Variants in RNF2 observed in about 807,000 individuals in gnomAD.
The protein encoded by RNF2 is ring finger protein 2.
In RNF2, 6 loss-of-function variants were observed where a neutral mutation model predicts 37.2. The observed-to-expected ratio is 0.16, with a 90% CI of 0.09 to 0.32. The LOEUF is 0.32. RNF2 is among the 10% of genes least tolerant of loss of function. The pLI, the probability that RNF2 is intolerant of heterozygous loss-of-function variation, is 1.00. For synonymous variants in RNF2, 133 were observed against 132.7 expected (o/e 1.00, Z -0.02); for missense variants, 251 against 404.0 (o/e 0.62, Z 3.25).
chr1:185,056,042 T>C (rs576854262), intron 1 of RNF2, among the ~76,000 whole-genome samples: 2 of 152,234 alleles, frequency 1.3e-5, no homozygotes, highest in Non-Finnish European at 2.9e-5. Flanking sequence ...TAAATTTCTT[T>C]ATTCTTAATG....
intron 1 of RNF2, among the ~76,000 whole-genome samples, chr1:185,055,198 A>G (rs1164870913): frequency 6.6e-6 from 1 of 152,124 alleles, no homozygotes; most frequent in Non-Finnish European, 1.5e-5. Flanking sequence ...TGGATTTCAG[A>G]TTTATTTTTC....
chr1:185,070,638 CTTTTTT>C (rs893631238), intron 1 of RNF2, among the ~76,000 whole-genome samples: 1 of 129,744 alleles, frequency 7.7e-6, no homozygotes, highest in Admixed American at 7.8e-5. Flanking sequence ...ATTTTCTTTT[CTTTTTT>C]TTTTTTTTTT....
chr1:185,087,969 A>G (rs868554202), intron 2 of RNF2, among the ~76,000 whole-genome samples: 1 of 152,338 alleles, frequency 6.6e-6, no homozygotes, highest in South Asian at 2.1e-4. Context: ...CCTTGCTGTA[A>G]TAAGTACTGA....
rs1433260783 is a variant in RNF2, at chr1:185,101,336, G to A, written c.*1035G>A. 6.6e-6 allele frequency: 1 copy of A among 152,384 alleles called. No individual in the cohort carries two copies. The highest frequency in any genetic ancestry group is 2.4e-5 in the African/African-American group (1 of 41,390). 9.4% of individuals were successfully genotyped at this position (152,384 alleles called of 1,614,324 possible). A position where few individuals can be genotyped will look rare whatever the true frequency, so the allele number is the denominator to read the frequency against. Reference sequence around the variant, plus strand: ...GTTGCCACATCAGTTTATAAATTTGGCGCTCTTTTAATTACACTCTGTAGA... The same window carrying A: ...GTTGCCACATCAGTTTATAAATTTGACGCTCTTTTAATTACACTCTGTAGA... On this transcript the variant is annotated 3_prime_UTR_variant, in exon 7 of 7. Transcript: ENST00000367510.
At chr1:185,072,888 C>T (rs960692894) in intron 1 of RNF2, among the ~76,000 whole-genome samples, 2 of 152,016 alleles carry the variant, frequency 1.3e-5, no homozygotes, top group Middle Eastern at 3.2e-3. Flanking sequence ...TGCAGTGAGC[C>T]GAGATTGTGC....
chr1:185,079,072 ATCTTT>A (rs1409835827), intron 1 of RNF2, among the ~76,000 whole-genome samples: 1 of 139,086 alleles, frequency 7.2e-6, no homozygotes, highest in Non-Finnish European at 1.5e-5. Flanking sequence ...CTATGACTAG[ATCTTT>A]TCTTTTTTTT....
intron 1 of RNF2, among the ~76,000 whole-genome samples, chr1:185,064,055 C>T (rs1469944038): frequency 1.3e-5 from 2 of 152,136 alleles, no homozygotes; most frequent in Non-Finnish European, 2.9e-5. Flanking sequence ...GGGATTAGGA[C>T]GTGGACACCT....
chr1:185,080,861 C>G (rs1651324707), intron 1 of RNF2, among the ~76,000 whole-genome samples: 1 of 152,136 alleles, frequency 6.6e-6, no homozygotes, highest in African/African-American at 2.4e-5. Flanking sequence ...TTTGATAGTT[C>G]CTATTAATTT....
At chr1:185,066,404 T>G (rs1650801400) in intron 1 of RNF2, among the ~76,000 whole-genome samples, 1 of 152,232 alleles carries the variant, frequency 6.6e-6, no homozygotes. Flanking sequence ...CAGGACTGCT[T>G]TCTTTCCTCG....
intron 1 of RNF2, among the ~76,000 whole-genome samples, chr1:185,054,098 A>G (rs1179138936): frequency 6.6e-6 from 1 of 152,172 alleles, no homozygotes; most frequent in East Asian, 1.9e-4. Flanking sequence ...ACTAGTGTCT[A>G]GAAGTGAAAC....
intron 1 of RNF2, among the ~76,000 whole-genome samples, chr1:185,076,436 G>A (rs755364780): frequency 1.8e-4 from 27 of 150,526 alleles, no homozygotes; most frequent in African/African-American, 4.1e-4. Flanking sequence ...GACTACAGGC[G>A]CGTGCCTCCA....
At chr1:185,053,889 T>TA (rs138631564) in intron 1 of RNF2, among the ~76,000 whole-genome samples, 2,450 of 148,806 alleles carry the variant, frequency 0.016, 92 homozygotes, top group East Asian at 0.15. Context: ...TGTCTTGTAT[T>TA]AAAAAAAAAA....
At chr1:185,092,763 G>C (rs1188719349) in intron 3 of RNF2, among the ~76,000 whole-genome samples, 1 of 151,950 alleles carries the variant, frequency 6.6e-6, no homozygotes, top group African/African-American at 2.4e-5. Flanking sequence ...ATATCGGAAA[G>C]GGGAAATTTA....
intron 5 of RNF2, among the ~76,000 whole-genome samples, chr1:185,099,465 TG>T (rs1159936833): frequency 6.6e-6 from 1 of 152,228 alleles, no homozygotes; most frequent in East Asian, 1.9e-4. Flanking sequence ...CATTAGGGTT[TG>T]GGGGGTATGT....
intron 1 of RNF2, among the ~76,000 whole-genome samples, chr1:185,063,460 T>C (rs1364087054): frequency 6.6e-6 from 1 of 152,216 alleles, no homozygotes; most frequent in African/African-American, 2.4e-5. Flanking sequence ...GTGCATTTAG[T>C]TTTCTTTTGG....
intron 5 of RNF2, among the ~76,000 whole-genome samples, chr1:185,098,703 T>C (rs1651985854): frequency 6.6e-6 from 1 of 152,210 alleles, no homozygotes; most frequent in African/African-American, 2.4e-5. Context: ...GCATCAAATA[T>C]TTATTGAATG....
intron 1 of RNF2, among the ~76,000 whole-genome samples, chr1:185,061,990 A>G (rs1430015329): frequency 6.6e-6 from 1 of 152,230 alleles, no homozygotes; most frequent in Non-Finnish European, 1.5e-5. Flanking sequence ...GTGTATTTGT[A>G]TAATAGAAAA....
chr1:185,047,783 A>C (rs1463986585), intron 1 of RNF2, among the ~76,000 whole-genome samples: 1 of 152,354 alleles, frequency 6.6e-6, no homozygotes, highest in East Asian at 1.9e-4. Flanking sequence ...TTTAAAAGAA[A>C]AATAAGAGAT....
intron 4 of RNF2, among the ~76,000 whole-genome samples, chr1:185,094,352 G>A (rs1205723739): frequency 6.6e-6 from 1 of 151,770 alleles, no homozygotes; most frequent in African/African-American, 2.4e-5. Context: ...CCATATTGGC[G>A]AGGCTGGTCT....
Sources: allele counts gnomAD v4.1 joint callset (sites outside exome capture counted in the v4.1 genomes callset), GRCh38; gene constraint gnomAD v4.1.1; transcripts MANE v1.5; gene names NCBI Gene and HGNC (gene_info 2026-07-23, HGNC 2026-07-21).